Variants in ATE1 observed in about 807,000 individuals in gnomAD.
ATE1 encodes arginyl-tRNA--protein transferase 1.
A neutral mutation model predicts 70.5 loss-of-function variants in ATE1; 36 were observed. That is an observed-to-expected ratio of 0.51 (90% CI 0.39 to 0.67). ATE1 has a LOEUF of 0.67. ATE1 is among the 30% of genes least tolerant of loss of function. The pLI, the probability that ATE1 is intolerant of heterozygous loss-of-function variation, is 0.00. For missense variants in ATE1, 593 were observed against 629.5 expected (o/e 0.94, Z 0.62); for synonymous variants, 232 against 219.3 (o/e 1.06, Z -0.51).
At chr10:121,799,049 AT>A (rs1184839029) in intron 10 of ATE1, among the ~76,000 whole-genome samples, 1 of 152,164 alleles carries the variant, frequency 6.6e-6, no homozygotes, top group East Asian at 1.9e-4. Flanking sequence ...CAAAAGCACA[AT>A]TTTTAAATGT....
At chr10:121,806,998 C>G (rs558263372) in intron 10 of ATE1, among the ~76,000 whole-genome samples, 2 of 152,248 alleles carry the variant, frequency 1.3e-5, no homozygotes, top group African/African-American at 4.8e-5. Context: ...CCAGTTTGAC[C>G]GTGCAAGATA....
chr10:121,888,616 AG>A (rs1950482672), intron 7 of ATE1, among the ~76,000 whole-genome samples: 1 of 152,180 alleles, frequency 6.6e-6, no homozygotes, highest in Admixed American at 6.5e-5. Flanking sequence ...CCTACGACAC[AG>A]CATTTCTATT....
chr10:121,786,705 C>T (rs905035812), intron 11 of ATE1, among the ~76,000 whole-genome samples: 4 of 151,924 alleles, frequency 2.6e-5, no homozygotes, highest in Admixed American at 1.3e-4. Context: ...TTTCTTATGA[C>T]CAAATTAATG....
intron 10 of ATE1, among the ~76,000 whole-genome samples, chr10:121,803,044 C>T (rs1205852400): frequency 6.6e-5 from 10 of 152,146 alleles, no homozygotes; most frequent in Non-Finnish European, 1.3e-4. Flanking sequence ...TCCACAGAGG[C>T]CTATTCTAGA....
chr10:121,881,643 G>A (rs1347227274), intron 7 of ATE1, among the ~76,000 whole-genome samples: 1 of 143,732 alleles, frequency 7.0e-6, no homozygotes, highest in Non-Finnish European at 1.5e-5. Context: ...ACTTCAGCCT[G>A]GTCAACATAA....
At chr10:121,864,104 A>G (rs988152119) in intron 8 of ATE1, among the ~76,000 whole-genome samples, 1 of 152,218 alleles carries the variant, frequency 6.6e-6, no homozygotes, top group Non-Finnish European at 1.5e-5. Flanking sequence ...TAAGTTAACT[A>G]AAATTTAAAA....
At chr10:121,856,223 T>G (rs1484276717) in intron 8 of ATE1, among the ~76,000 whole-genome samples, 1 of 152,028 alleles carries the variant, frequency 6.6e-6, no homozygotes, top group Non-Finnish European at 1.5e-5. Flanking sequence ...ATGAGTGGAT[T>G]TTTAAAAATA....
At chr10:121,768,225 CAG>C (rs1945356128) in intron 11 of ATE1, among the ~76,000 whole-genome samples, 1 of 152,068 alleles carries the variant, frequency 6.6e-6, no homozygotes, top group African/African-American at 2.4e-5. Flanking sequence ...TAATCAGTCA[CAG>C]AGTTTGTTTT....
chr10:121,847,137 G>A (rs953300562), intron 8 of ATE1, among the ~76,000 whole-genome samples: 1 of 152,158 alleles, frequency 6.6e-6, no homozygotes, highest in African/African-American at 2.4e-5. Context: ...TGATAGGAAT[G>A]AGACTACCTG....
rs554334361 is a variant in ATE1, at chr10:121,763,416, G to A, written c.1379-19558C>T. On this transcript the variant is annotated intron_variant, in intron 11 of 11. Coordinates refer to ENST00000224652, the MANE Select transcript of ATE1 (RefSeq NM_001001976.3). The stretch of plus-strand genomic sequence containing the variant: ...GGTACTATACCTGACAGAATATTAC[G>A]CAGCAATAAAAAGAAATGAATTATC... Among the ~76,000 whole-genome samples, 16 of 152,138 alleles carry A rather than the reference G, an allele frequency of 1.1e-4. No homozygotes were observed. In the South Asian group the frequency reaches 2.5e-3, roughly 24 times the overall value.
chr10:121,869,079 G>A (rs571226616), intron 8 of ATE1, among the ~76,000 whole-genome samples: 4 of 152,340 alleles, frequency 2.6e-5, no homozygotes, highest in Admixed American at 2.0e-4. Flanking sequence ...GTCTCATCAC[G>A]TGGAGCTGAA....
At chr10:121,927,766 C>A in intron 1 of ATE1, 78 bp downstream of exon 1, 12 of 1,458,502 alleles carry the variant, frequency 8.2e-6, no homozygotes, top group Non-Finnish European at 1.1e-5. Flanking sequence ...CCGGCCCCCT[C>A]GCGTCCTCGC....
In ATE1 at chr10:121,807,523, T is replaced by C. The variant is rs550035182; in HGVS notation, c.1258-17234A>G. Among the ~76,000 whole-genome samples the C allele has an allele frequency of 8.5e-5, 13 of 152,350 alleles. 1 individual carries two copies. Among genetic ancestry groups the C allele is most frequent in the African/African-American group, 3.1e-4 (13 of 41,592 alleles). ...TTATTGAACTTCACATAGCAAACTG[T>C]ACTTATATTATAGCTGATCTTTGTG... On this transcript the variant is annotated intron_variant, in intron 10 of 11. Transcript: ENST00000224652.
intron 7 of ATE1, among the ~76,000 whole-genome samples, chr10:121,884,105 CAAAAAA>C (rs56040116): frequency 9.2e-5 from 4 of 43,416 alleles, no homozygotes; most frequent in African/African-American, 4.6e-4. Flanking sequence ...GACCCAGACT[CAAAAAA>C]AAAAAAAAAA....
intron 11 of ATE1, among the ~76,000 whole-genome samples, chr10:121,778,936 G>C (rs1213941955): frequency 6.6e-6 from 1 of 152,042 alleles, no homozygotes; most frequent in African/African-American, 2.4e-5. Context: ...AAACGTGGAT[G>C]TTGTCTTGGC....
chr10:121,763,811 TGA>T (rs1363147808), intron 11 of ATE1, among the ~76,000 whole-genome samples: 2 of 152,076 alleles, frequency 1.3e-5, no homozygotes, highest in African/African-American at 4.8e-5. Context: ...GCCAGGAGTT[TGA>T]GACCAGCCTG....
chr10:121,761,303 C>T (rs763734256), intron 11 of ATE1, among the ~76,000 whole-genome samples: 1 of 152,214 alleles, frequency 6.6e-6, no homozygotes, highest in Non-Finnish European at 1.5e-5. Context: ...ACACCAAAGA[C>T]ATATATCAAC....
intron 11 of ATE1, among the ~76,000 whole-genome samples, chr10:121,772,877 A>G (rs1457820808): frequency 6.6e-6 from 1 of 152,228 alleles, no homozygotes; most frequent in Non-Finnish European, 1.5e-5. Context: ...TTCTGATTCC[A>G]TTCTCTTTGA....
chr10:121,865,848 T>A (rs1013875446), intron 8 of ATE1, among the ~76,000 whole-genome samples: 1 of 152,216 alleles, frequency 6.6e-6, no homozygotes, highest in Non-Finnish European at 1.5e-5. Context: ...GTAATTACTA[T>A]AACCTGACAA....
Sources: gnomAD v4.1 joint callset for allele counts (sites outside exome capture counted in the v4.1 genomes callset) on GRCh38, gnomAD v4.1.1 for gene constraint, MANE v1.5 for transcripts, NCBI Gene and HGNC (gene_info 2026-07-23, HGNC 2026-07-21) for gene names.